The following GPM6B variants were observed in gnomAD, a reference collection of about 807,000 sequenced individuals.
GPM6B encodes glycoprotein M6B, also known as neuronal membrane glycoprotein M6-b.
GPM6B carries 4 observed loss-of-function variants against 27.2 expected under a neutral mutation model. The observed-to-expected ratio is 0.15, with a 90% confidence interval of 0.07 to 0.34. The LOEUF is 0.34. GPM6B is among the 10% of genes least tolerant of loss of function. The pLI, the probability that GPM6B is intolerant of heterozygous loss-of-function variation, is 1.00. For missense variants in GPM6B, 183 were observed against 261.9 expected (o/e 0.70, Z 2.08); for synonymous variants, 124 against 103.1 (o/e 1.20, Z -1.23).
At chrX:13,848,870 T>C (rs1156732751) in intron 1 of GPM6B, among the ~76,000 whole-genome samples, 2 of 112,332 alleles carry the variant, frequency 1.8e-5, no homozygotes, top group African/African-American at 6.5e-5. Flanking sequence ...GAACATTTTC[T>C]GGCAATAAAA....
chrX:13,782,739 CAG>C (rs1488717678), intron 4 of GPM6B, among the ~76,000 whole-genome samples: 1 of 77,522 alleles, frequency 1.3e-5, no homozygotes, highest in African/African-American at 5.5e-5. Context: ...GCCTTGGAGA[CAG>C]AGTGATGCTC....
At chrX:13,828,375 C>T (rs1258643750) in intron 1 of GPM6B, among the ~76,000 whole-genome samples, 1 of 110,899 alleles carries the variant, frequency 9.0e-6, no homozygotes, top group Non-Finnish European at 1.9e-5. Flanking sequence ...ACACTCAGCC[C>T]CCTTGCCATG....
At chrX:13,775,692 C>T (rs769383387) in intron 7 of GPM6B, among the ~76,000 whole-genome samples, 9 of 111,966 alleles carry the variant, frequency 8.0e-5, no homozygotes, top group Middle Eastern at 4.6e-3. Flanking sequence ...ACGAAACAAG[C>T]TTATGTGTTG....
intron 1 of GPM6B, among the ~76,000 whole-genome samples, chrX:13,840,401 C>T (rs1039895157): frequency 9.0e-6 from 1 of 111,490 alleles, no homozygotes; most frequent in East Asian, 2.8e-4. Flanking sequence ...TCCCTGCCTG[C>T]GGGCTCCGGG....
Position 13,796,019 on chromosome X carries a change from C to T in GPM6B, c.182-10211G>A, listed in dbSNP as rs186901575. On this transcript the variant is annotated intron_variant, in intron 2 of 7. Transcript: ENST00000316715. Reference sequence around the variant, plus strand: ...TCGGCTCACTGCAACCTCAGCCTCCCAGGTTCAAGCGATTCTCCTGCCTCA... The same window carrying T: ...TCGGCTCACTGCAACCTCAGCCTCCTAGGTTCAAGCGATTCTCCTGCCTCA... Among the ~76,000 whole-genome samples, 196 of 111,596 alleles carry T rather than the reference C, an allele frequency of 1.8e-3. 1 individual carries two copies. The highest frequency in any genetic ancestry group is 5.1e-3 in the African/African-American group (157 of 30,722).
At chrX:13,904,830 A>C (rs1374110522) in intron 1 of GPM6B, among the ~76,000 whole-genome samples, 1 of 110,597 alleles carries the variant, frequency 9.0e-6, no homozygotes, top group Non-Finnish European at 1.9e-5. Context: ...ACCATCCTCT[A>C]GGTGTCCTGA....
rs972836178 is a variant in GPM6B at position 13,932,148 on chromosome X, T to C, written c.-198+6179A>G. The stretch of plus-strand genomic sequence containing the variant: ...AATGACCAAGTTATTTCCTGGTACT[T>C]TACAATCTGGCCTCAGCTCTCCCCA... On this transcript the variant is annotated intron_variant, in intron 1 of 6. Transcript: ENST00000398361. 1.1e-4 allele frequency among the ~76,000 whole-genome samples: 12 copies of C among 111,316 alleles called. No homozygotes were observed. In the Admixed American group the frequency reaches 1.1e-3, roughly 11 times the overall value.
chrX:13,881,426 C>T (rs1276700745), intron 1 of GPM6B, among the ~76,000 whole-genome samples: 2 of 110,333 alleles, frequency 1.8e-5, no homozygotes, highest in South Asian at 4.0e-4. Context: ...GTGGGAGAAT[C>T]GCTTGGGCCC....
At chrX:13,794,459 A>G (rs12007514) in intron 2 of GPM6B, among the ~76,000 whole-genome samples, 5,812 of 111,819 alleles carry the variant, frequency 0.052, 384 homozygotes, top group African/African-American at 0.18. Flanking sequence ...ACTCTGAGCC[A>G]GGAGTGGGCC....
chrX:13,907,111 T>C (rs1368302761), intron 1 of GPM6B, among the ~76,000 whole-genome samples: 2 of 112,677 alleles, frequency 1.8e-5, no homozygotes, highest in African/African-American at 6.4e-5. Flanking sequence ...TTATTTATCC[T>C]TTTGTGCTCT....
chrX:13,773,030 T>A lies in GPM6B; in HGVS notation c.838A>T (p.Ile280Phe). The change falls in exon 8 of 8, where the codon ATC (isoleucine) becomes TTC (phenylalanine). Residue 280 changes from isoleucine to phenylalanine, a missense_variant and splice_region_variant. By Grantham distance (21) the Ile-to-Phe change is conservative (BLOSUM62 0). Coordinates refer to ENST00000316715, the MANE Select transcript of GPM6B (RefSeq NM_001001995.3). ...AGAGATVIAL[I>F]HFLMILSSNW... ...GAAGACAGTATCATGAGGAAGTGGA[T>A]CTGGAAGAGAAGGGTGAGCATGATG... 8.3e-7 allele frequency: 1 copy of A among 1,208,717 alleles called. No individual in the cohort carries two copies. Among genetic ancestry groups the A allele is most frequent in the Non-Finnish European group, 1.1e-6 (1 of 893,283 alleles).
chrX:13,802,173 T>A (rs775833935), intron 2 of GPM6B, among the ~76,000 whole-genome samples: 2 of 105,988 alleles, frequency 1.9e-5, no homozygotes, highest in South Asian at 8.4e-4. Flanking sequence ...TGAAAACATA[T>A]AACATAAGGG....
chrX:13,820,475 G>A (rs111786438), upstream of GPM6B, among the ~76,000 whole-genome samples: 10 of 110,924 alleles, frequency 9.0e-5, no homozygotes, highest in Non-Finnish European at 1.9e-4. Context: ...CAGGGACTAA[G>A]AGGCATTCAG....
intron 1 of GPM6B, among the ~76,000 whole-genome samples, chrX:13,896,566 T>C (rs968050174): frequency 9.0e-6 from 1 of 110,918 alleles, no homozygotes; most frequent in African/African-American, 3.3e-5. Flanking sequence ...TGACAATTTC[T>C]CTCTTTTTTT....
chrX:13,791,312 T>C (rs113760561), intron 2 of GPM6B, among the ~76,000 whole-genome samples: 3 of 110,760 alleles, frequency 2.7e-5, no homozygotes, highest in African/African-American at 9.8e-5. Flanking sequence ...TGGGTTCAAG[T>C]GAGTCTTATG....
At chrX:13,871,117 A>AAC (rs1242450641) in intron 1 of GPM6B, among the ~76,000 whole-genome samples, 1 of 60,370 alleles carries the variant, frequency 1.7e-5, no homozygotes, top group Non-Finnish European at 3.1e-5. Context: ...AACAAAACAA[A>AAC]AAAAAAAGAA....
intron 1 of GPM6B, among the ~76,000 whole-genome samples, chrX:13,840,784 T>C (rs2049563566): frequency 9.0e-6 from 1 of 111,377 alleles, no homozygotes; most frequent in Non-Finnish European, 1.9e-5. Flanking sequence ...TTCTAAGCTC[T>C]AATGGCTCAT....
intron 1 of GPM6B, among the ~76,000 whole-genome samples, chrX:13,904,557 C>T (rs1421934625): frequency 1.8e-5 from 2 of 111,536 alleles, no homozygotes; most frequent in African/African-American, 6.5e-5. Flanking sequence ...CAAATTATAT[C>T]GACACAGAGC....
intron 7 of GPM6B, among the ~76,000 whole-genome samples, chrX:13,775,937 G>A (rs1455237061): frequency 8.9e-6 from 1 of 112,581 alleles, no homozygotes; most frequent in Non-Finnish European, 1.9e-5. Flanking sequence ...ATCTGTCTGC[G>A]ACTGAAGTCA....
Sources: gnomAD v4.1 joint callset for allele counts (sites outside exome capture counted in the v4.1 genomes callset) on GRCh38, gnomAD v4.1.1 for gene constraint, MANE v1.5 for transcripts, NCBI Gene and HGNC (gene_info 2026-07-23, HGNC 2026-07-21) for gene names.